The following DPYD variants were observed in gnomAD, a reference collection of about 807,000 sequenced individuals.
DPYD encodes dihydropyrimidine dehydrogenase [NADP(+)].
Under a neutral mutation model 116.2 loss-of-function variants are expected in DPYD, and 109 were observed. The ratio of observed to expected loss-of-function variants is 0.94; its 90% CI spans 0.80 to 1.10. The LOEUF (loss-of-function observed/expected upper bound fraction) is 1.10, where lower values mean the gene tolerates loss of function less well. Among genes scored for constraint, DPYD ranks in the 50% least tolerant of loss-of-function variants. The pLI is 0.00. For synonymous variants in DPYD, 440 were observed against 432.0 expected, an observed-to-expected ratio of 1.02 and a Z score of -0.23; for missense variants, 1,302 against 1,254.5, an observed-to-expected ratio of 1.04 and a Z score of -0.57.
intron 18 of DPYD, among the ~76,000 whole-genome samples, chr1:97,237,715 T>G (rs190723852): frequency 6.6e-6 from 1 of 152,282 alleles, no homozygotes; most frequent in East Asian, 1.9e-4. Context: ...AGGAAAGCTG[T>G]AACAAACTTT....
chr1:97,624,963 G>A (rs1171684189), intron 8 of DPYD, among the ~76,000 whole-genome samples: 1 of 151,930 alleles, frequency 6.6e-6, no homozygotes, highest in Non-Finnish European at 1.5e-5. Flanking sequence ...TGTGTGTTGG[G>A]GAATGGGGTG....
chr1:97,128,535 ATAAAAC>A (rs753583761), intron 20 of DPYD, among the ~76,000 whole-genome samples: 4 of 152,202 alleles, frequency 2.6e-5, no homozygotes, highest in Non-Finnish European at 5.9e-5. Flanking sequence ...AAATATATCT[ATAAAAC>A]TTTACAGCCC....
chr1:97,593,436 G>T (rs1477708539), intron 9 of DPYD, 49 bp from the exon 10 acceptor site: 12 of 1,601,748 alleles, frequency 7.5e-6, no homozygotes, highest in Non-Finnish European at 1.0e-5. Context: ...AACCATTTCT[G>T]CATGACAGCT....
At chr1:97,363,737 G>A (rs1459373361) in intron 16 of DPYD, among the ~76,000 whole-genome samples, 1 of 152,152 alleles carries the variant, frequency 6.6e-6, no homozygotes, top group Non-Finnish European at 1.5e-5. Context: ...TCACTCATAG[G>A]TGGGAATTTA....
At chr1:97,776,225 C>T (rs1666401496) in intron 3 of DPYD, among the ~76,000 whole-genome samples, 1 of 152,110 alleles carries the variant, frequency 6.6e-6, no homozygotes, top group African/African-American at 2.4e-5. Flanking sequence ...TCATGAATGC[C>T]TGCAAAGTGG....
At chr1:97,895,149 G>T (rs1249825748) in intron 1 of DPYD, among the ~76,000 whole-genome samples, 1 of 151,606 alleles carries the variant, frequency 6.6e-6, no homozygotes, top group East Asian at 1.9e-4. Flanking sequence ...AAATTGCCTG[G>T]CTCCTATGTA....
At chr1:97,813,795 T>C (rs1668440004) in intron 3 of DPYD, among the ~76,000 whole-genome samples, 1 of 152,152 alleles carries the variant, frequency 6.6e-6, no homozygotes, top group Admixed American at 6.6e-5. Context: ...AATATCTGTA[T>C]ATAATTTCAT....
Position 97,120,429 on chromosome 1 carries a change from G to T in DPYD, c.2623-21797C>A, listed in dbSNP as rs944186148. On this transcript the variant is annotated intron_variant, in intron 20 of 22. Transcript: ENST00000370192. Reference sequence around the variant, plus strand: ...TTGAAGACAAAGGGTGTCTGAAATGGACAACTTTATTTTATATACCAGTCT... The same window carrying T: ...TTGAAGACAAAGGGTGTCTGAAATGTACAACTTTATTTTATATACCAGTCT... Among the ~76,000 whole-genome samples the T allele has an allele frequency of 2.6e-5, 4 of 152,074 alleles. No homozygotes were observed. The East Asian group carries it at 7.7e-4, about 29-fold the overall frequency.
At chr1:97,309,347 G>GTGT (rs1558017561) in intron 16 of DPYD, among the ~76,000 whole-genome samples, 2 of 151,240 alleles carry the variant, frequency 1.3e-5, no homozygotes, top group Non-Finnish European at 3.0e-5. Context: ...GTGTGTGTGT[G>GTGT]TGTGTGTGTG....
At chr1:97,874,158 C>T (rs1035251449) in intron 2 of DPYD, among the ~76,000 whole-genome samples, 3 of 151,906 alleles carry the variant, frequency 2.0e-5, no homozygotes, top group Non-Finnish European at 4.4e-5. Flanking sequence ...TTACAGAGTA[C>T]AGCACTGTGT....
chr1:97,276,606 G>T (rs1664941688), intron 18 of DPYD, among the ~76,000 whole-genome samples: 1 of 150,568 alleles, frequency 6.6e-6, no homozygotes, highest in Non-Finnish European at 1.5e-5. Flanking sequence ...AACCACAAAG[G>T]GTTACCATCT....
intron 2 of DPYD, among the ~76,000 whole-genome samples, chr1:97,837,738 ACT>A (rs976254254): frequency 1.3e-5 from 2 of 152,114 alleles, no homozygotes. Flanking sequence ...GAAAAGATAA[ACT>A]CTGTTTTCAT....
At chr1:97,835,727 TATC>T (rs1470311525) in intron 2 of DPYD, among the ~76,000 whole-genome samples, 22 of 152,266 alleles carry the variant, frequency 1.4e-4, no homozygotes, top group African/African-American at 4.8e-4. Context: ...TGAAACACAG[TATC>T]ATTATTTCAA....
rs955629415 is a variant in DPYD, at chr1:97,735,728, AAAAC to A, written c.321+4660_321+4663del. On this transcript the variant is annotated intron_variant, in intron 4 of 22. Transcript: ENST00000370192. Reference sequence around the variant, plus strand: ...TAAATAAATAAATAAATAAATAAATAAAACAATAAAAGTCTTGAAAAGATTAATA... The same window carrying A: ...TAAATAAATAAATAAATAAATAAATAAATAAAAGTCTTGAAAAGATTAATA... Among the ~76,000 whole-genome samples the A allele has an allele frequency of 1.1e-4, 16 of 143,066 alleles. No homozygotes were observed. In the South Asian group the frequency reaches 3.0e-3, roughly 26 times the overall value. The allele number at this position is 143,066 out of a possible 152,430, so 93.9% of individuals were successfully genotyped here.
chr1:97,078,925 C>A lies in DPYD; in HGVS notation c.*51G>T. On this transcript the variant is annotated 3_prime_UTR_variant, in exon 23 of 23. Coordinates refer to ENST00000370192, the MANE Select transcript of DPYD (RefSeq NM_000110.4). ...CACAAGGATCATGATTTTAAAAGATCAGCATATGTAGGTGACATGAAAGTT... is the reference window on the plus strand; with the variant it reads ...CACAAGGATCATGATTTTAAAAGATAAGCATATGTAGGTGACATGAAAGTT... The A allele has an allele frequency of 6.3e-7, 1 of 1,589,742 alleles. No homozygotes were observed. Among genetic ancestry groups the A allele is most frequent in the Non-Finnish European group, 8.6e-7 (1 of 1,158,140 alleles).
At chr1:97,271,334 A>T (rs912956766) in intron 18 of DPYD, among the ~76,000 whole-genome samples, 2 of 152,172 alleles carry the variant, frequency 1.3e-5, no homozygotes, top group African/African-American at 4.8e-5. Context: ...AAGGGAGAGA[A>T]ATAAAATAAA....
chr1:97,679,527 T>C (rs1408985466), intron 7 of DPYD, among the ~76,000 whole-genome samples: 1 of 152,096 alleles, frequency 6.6e-6, no homozygotes, highest in Non-Finnish European at 1.5e-5. Context: ...TACAGTCAAG[T>C]AGGGGCAAAA....
chr1:97,393,157 C>T (rs1672808921), intron 14 of DPYD, among the ~76,000 whole-genome samples: 1 of 152,040 alleles, frequency 6.6e-6, no homozygotes, highest in African/African-American at 2.4e-5. Flanking sequence ...AGTTTTTGCC[C>T]TATCTCAGCT....
At chr1:97,257,450 T>G (rs564827147) in intron 18 of DPYD, among the ~76,000 whole-genome samples, 1,147 of 102,308 alleles carry the variant, frequency 0.011, 4 homozygotes, top group East Asian at 0.061. Flanking sequence ...TATATATATA[T>G]ATAGAGAGAG....
Sources: gnomAD v4.1 joint callset for allele counts (sites outside exome capture counted in the v4.1 genomes callset) on GRCh38, gnomAD v4.1.1 for gene constraint, MANE v1.5 for transcripts, NCBI Gene and HGNC (gene_info 2026-07-23, HGNC 2026-07-21) for gene names.